HS6ST2: variants seen among roughly 807,000 people sequenced by gnomAD.
HS6ST2 encodes the protein heparan-sulfate 6-O-sulfotransferase 2.
HS6ST2 carries 17 observed loss-of-function variants against 33.0 expected under a neutral mutation model. That is an observed-to-expected ratio of 0.52 (90% CI 0.35 to 0.77). The LOEUF (loss-of-function observed/expected upper bound fraction) is 0.77. HS6ST2 is among the 30% of genes least tolerant of loss of function. HS6ST2 has a pLI of 0.01. For synonymous variants in HS6ST2, 248 were observed against 237.1 expected (o/e 1.05, Z -0.42); for missense variants, 519 against 551.7 (o/e 0.94, Z 0.59).
intron 2 of HS6ST2, among the ~76,000 whole-genome samples, chrX:132,812,441 T>TAATAATAAA (rs1569493655): frequency 9.7e-6 from 1 of 103,271 alleles, no homozygotes. Flanking sequence ...ATAATAATAA[T>TAATAATAAA]AATAAAATAA....
intron 2 of HS6ST2, among the ~76,000 whole-genome samples, chrX:132,780,793 G>A (rs1345454361): frequency 2.7e-5 from 3 of 111,895 alleles, no homozygotes; most frequent in African/African-American, 9.7e-5. Flanking sequence ...GATTCATGAG[G>A]TGGGCTGCTA....
intron 2 of HS6ST2, among the ~76,000 whole-genome samples, chrX:132,939,345 C>T (rs1401795434): frequency 9.0e-6 from 1 of 111,013 alleles, no homozygotes; most frequent in African/African-American, 3.3e-5. Context: ...AATTAACTGG[C>T]CGGGCACAGT....
chrX:132,722,187 C>CAAAAAAA (rs1217492848), intron 2 of HS6ST2, among the ~76,000 whole-genome samples: 2 of 44,287 alleles, frequency 4.5e-5, no homozygotes, highest in African/African-American at 8.9e-5. Flanking sequence ...GACTCCGTCT[C>CAAAAAAA]AAAAAAAAAA....
In HS6ST2 at chrX:132,848,714, T is replaced by A. The variant is rs13441149; in HGVS notation, c.947+108094A>T. ...CAAGAGAATCCTTACTGAAACTTGTTACTGAAAGCCAACAGCATGTGGCAG... is the reference window on the plus strand; with the variant it reads ...CAAGAGAATCCTTACTGAAACTTGTAACTGAAAGCCAACAGCATGTGGCAG... On this transcript the variant is annotated intron_variant, in intron 2 of 4. Coordinates refer to ENST00000370833, the MANE Select transcript of HS6ST2 (RefSeq NM_001394073.1). 1.4e-3 allele frequency among the ~76,000 whole-genome samples: 154 copies of A among 112,106 alleles called. 1 individual carries two copies. Among genetic ancestry groups the A allele is most frequent in the African/African-American group, 4.7e-3 (146 of 30,872 alleles).
chrX:132,855,809 T>C (rs908961188), intron 2 of HS6ST2, among the ~76,000 whole-genome samples: 5 of 110,935 alleles, frequency 4.5e-5, no homozygotes, highest in African/African-American at 1.6e-4. Context: ...TCCTTGCTCA[T>C]GCAGAGAAGT....
intron 2 of HS6ST2, among the ~76,000 whole-genome samples, chrX:132,862,136 C>A (rs1324561882): frequency 8.9e-6 from 1 of 111,913 alleles, no homozygotes; most frequent in Non-Finnish European, 1.9e-5. Flanking sequence ...CTTTCTTATT[C>A]TTTTGTGATG....
chrX:132,871,092 C>A (rs995571178), intron 2 of HS6ST2, among the ~76,000 whole-genome samples: 1 of 111,931 alleles, frequency 8.9e-6, no homozygotes, highest in Non-Finnish European at 1.9e-5. Context: ...AAACAAACAA[C>A]CCCATCAAAA....
intron 2 of HS6ST2, among the ~76,000 whole-genome samples, chrX:132,908,956 G>A (rs1272582354): frequency 1.1e-5 from 1 of 89,458 alleles, no homozygotes; most frequent in African/African-American, 4.2e-5. Flanking sequence ...AAGGATAGAA[G>A]TATTTCAAAG....
intron 2 of HS6ST2, among the ~76,000 whole-genome samples, chrX:132,945,013 T>C (rs1479016274): frequency 8.9e-6 from 1 of 111,902 alleles, no homozygotes; most frequent in Admixed American, 9.5e-5. Flanking sequence ...TGATATCTAA[T>C]TAAACTCAAG....
At chrX:132,641,174 C>T (rs769170066) in intron 4 of HS6ST2, among the ~76,000 whole-genome samples, 21 of 112,699 alleles carry the variant, frequency 1.9e-4, no homozygotes, top group African/African-American at 5.8e-4. Flanking sequence ...GATGCAGTCT[C>T]GCTCTGTCTC....
At chrX:132,884,230 C>G (rs1336108606) in intron 2 of HS6ST2, among the ~76,000 whole-genome samples, 1 of 111,463 alleles carries the variant, frequency 9.0e-6, no homozygotes, top group Non-Finnish European at 1.9e-5. Flanking sequence ...TATCTCTGAC[C>G]TTACACCATT....
chrX:132,854,438 T>C (rs192763791), intron 2 of HS6ST2, among the ~76,000 whole-genome samples: 4 of 112,729 alleles, frequency 3.5e-5, no homozygotes, highest in African/African-American at 1.3e-4. Context: ...TGGATAAGCA[T>C]CTGTACTTCA....
intron 2 of HS6ST2, among the ~76,000 whole-genome samples, chrX:132,826,609 T>TTA (rs1484140388): frequency 6.4e-5 from 7 of 109,236 alleles, no homozygotes; most frequent in South Asian, 3.9e-4. Flanking sequence ...GGCTCACATT[T>TTA]TATATATATA....
At chrX:132,642,809 T>G (rs1406420303) in intron 4 of HS6ST2, among the ~76,000 whole-genome samples, 1 of 112,316 alleles carries the variant, frequency 8.9e-6, no homozygotes, top group Non-Finnish European at 1.9e-5. Flanking sequence ...AGGAATTATT[T>G]TGAAGGTTAT....
intron 2 of HS6ST2, among the ~76,000 whole-genome samples, chrX:132,855,472 T>C (rs760670134): frequency 8.9e-6 from 1 of 112,283 alleles, no homozygotes; most frequent in Admixed American, 9.4e-5. Flanking sequence ...GTGCCTGACA[T>C]AATGTCTGTA....
chrX:132,823,533 T>C (rs1286846456), intron 2 of HS6ST2, among the ~76,000 whole-genome samples: 1 of 109,104 alleles, frequency 9.2e-6, no homozygotes, highest in Non-Finnish European at 1.9e-5. Context: ...TGAATTTTGG[T>C]TTTTCACTCC....
intron 2 of HS6ST2, among the ~76,000 whole-genome samples, chrX:132,720,220 A>G (rs1264065677): frequency 8.9e-6 from 1 of 112,450 alleles, no homozygotes; most frequent in East Asian, 2.8e-4. Context: ...CTGAATTGCT[A>G]ATTGTATAAG....
At chrX:132,873,050 C>A (rs1189640417) in intron 2 of HS6ST2, among the ~76,000 whole-genome samples, 1 of 111,395 alleles carries the variant, frequency 9.0e-6, no homozygotes, top group Non-Finnish European at 1.9e-5. Context: ...GCCAGTTAAA[C>A]ATCTCAGGAA....
rs376714042 is a variant in HS6ST2 at position 132,828,821 on chromosome X, C to T, written c.948-120327G>A. Among the ~76,000 whole-genome samples, 90 of 99,515 alleles carry T rather than the reference C, an allele frequency of 9.0e-4. No individual in the cohort carries two copies. The South Asian group carries it at 0.038, about 42-fold the overall frequency. The allele number at this position is 99,515 out of a possible 115,157, so 86.4% of individuals were successfully genotyped here. On this transcript the variant is annotated intron_variant, in intron 2 of 4. Coordinates refer to ENST00000370833, the MANE Select transcript of HS6ST2 (RefSeq NM_001394073.1). ...ATTTATATATTTAAGTATATATATG[C>T]TGTACATATATTTATAATTTAAGTA...
Sources: allele counts gnomAD v4.1 joint callset (sites outside exome capture counted in the v4.1 genomes callset), GRCh38; gene constraint gnomAD v4.1.1; transcripts MANE v1.5; gene names NCBI Gene and HGNC (gene_info 2026-07-23, HGNC 2026-07-21).